The following RFTN2 variants were observed in gnomAD, a reference collection of about 807,000 sequenced individuals.
RFTN2 encodes the protein raftlin-2.
Under a neutral mutation model 52.7 loss-of-function variants are expected in RFTN2, and 34 were observed. The ratio of observed to expected loss-of-function variants is 0.64; its 90% confidence interval spans 0.49 to 0.86. The LOEUF is 0.86. Among genes scored for constraint, RFTN2 ranks in the 40% least tolerant of loss-of-function variants. The probability of loss-of-function intolerance (pLI) is 0.00; values close to 1 mark genes in which losing one functional copy is unlikely to be tolerated. For synonymous variants in RFTN2, 203 were observed against 217.7 expected (o/e 0.93, Z 0.59); for missense variants, 536 against 600.1 (o/e 0.89, Z 1.12).
In RFTN2 at chr2:197,629,128, A is replaced by G. The variant is rs969200998; in HGVS notation, c.928+1883T>C. Among the ~76,000 whole-genome samples, 6 of 152,252 alleles carry G rather than the reference A, an allele frequency of 3.9e-5. No homozygotes were observed. In the East Asian group the frequency reaches 9.6e-4, roughly 24 times the overall value. On this transcript the variant is annotated intron_variant, in intron 5 of 8. Coordinates refer to ENST00000295049, the MANE Select transcript of RFTN2 (RefSeq NM_144629.3). ...CCAAAGGATTATAAATCATGCTGCT[A>G]TAAAGACACACGTACACGTATGTTT...
At chr2:197,629,333 A>G (rs2106229426) in intron 5 of RFTN2, among the ~76,000 whole-genome samples, 1 of 152,250 alleles carries the variant, frequency 6.6e-6, no homozygotes, top group South Asian at 2.1e-4. Flanking sequence ...TTCTGAGCAA[A>G]CTATCGCAAG....
chr2:197,658,954 A>G (rs1053317042), intron 1 of RFTN2, among the ~76,000 whole-genome samples: 23 of 152,200 alleles, frequency 1.5e-4, no homozygotes, highest in African/African-American at 4.3e-4. Context: ...ATTTATTCTT[A>G]TAGTTTCTAA....
At chr2:197,579,645 C>T (rs926966163) in intron 8 of RFTN2, among the ~76,000 whole-genome samples, 2 of 152,110 alleles carry the variant, frequency 1.3e-5, no homozygotes, top group Admixed American at 6.6e-5. Context: ...CCCAATGTGA[C>T]TTGTCCCAAA....
chr2:197,616,884 G>A (rs539936882), intron 6 of RFTN2, among the ~76,000 whole-genome samples: 1 of 152,228 alleles, frequency 6.6e-6, no homozygotes, highest in South Asian at 2.1e-4. Context: ...CCTGTGTAAG[G>A]TCAGAAAGGT....
At chr2:197,619,695 C>T (rs2088224855) in intron 5 of RFTN2, among the ~76,000 whole-genome samples, 1 of 147,844 alleles carries the variant, frequency 6.8e-6, no homozygotes, top group African/African-American at 2.5e-5. Context: ...TGTCCTGTGA[C>T]CCTGCCAAAT....
At chr2:197,602,047 T>C (rs1202611008) in intron 7 of RFTN2, among the ~76,000 whole-genome samples, 1 of 152,170 alleles carries the variant, frequency 6.6e-6, no homozygotes, top group Non-Finnish European at 1.5e-5. Context: ...CTATTTATAG[T>C]TTGACACTAT....
chr2:197,601,389 G>A (rs141443498), intron 7 of RFTN2, among the ~76,000 whole-genome samples: 178 of 152,294 alleles, frequency 1.2e-3, no homozygotes, highest in Admixed American at 2.7e-3. Flanking sequence ...TGCTCTCAGC[G>A]TTCCAAGTCC....
At chr2:197,671,595 G>A (rs191150275) in intron 1 of RFTN2, among the ~76,000 whole-genome samples, 86 of 152,302 alleles carry the variant, frequency 5.6e-4, no homozygotes, top group African/African-American at 1.9e-3. Context: ...CAAAATATCC[G>A]AGGGCAGAAA....
Position 197,631,198 on chromosome 2 carries a change from TG to T in RFTN2, c.740del (p.Thr247LysfsTer22), listed in dbSNP as rs767569606. 2 of 1,610,704 alleles carry T rather than the reference TG, an allele frequency of 1.2e-6. No homozygotes were observed. Among genetic ancestry groups the T allele is most frequent in the Non-Finnish European group, 1.7e-6 (2 of 1,179,058 alleles). On this transcript the variant is annotated frameshift_variant, in exon 5 of 9. Transcript: ENST00000295049. LOFTEE classifies it high-confidence loss of function. Reference sequence around the variant, plus strand: ...AATCATCATCAAAAGCATTGAAGACTGTATACAATTTGTTATCTGAGGCTAG... The same window carrying T: ...AATCATCATCAAAAGCATTGAAGACTTATACAATTTGTTATCTGAGGCTAG... ...KGEASDNKLY[T>X]VFNAFDDDST...
At chr2:197,592,629 A>G (rs986286073) in intron 8 of RFTN2, among the ~76,000 whole-genome samples, 2 of 152,216 alleles carry the variant, frequency 1.3e-5, no homozygotes, top group Non-Finnish European at 2.9e-5. Context: ...TGTTTTTAAA[A>G]CTAAACATCT....
At chr2:197,666,194 C>T (rs1355186823) in intron 1 of RFTN2, among the ~76,000 whole-genome samples, 3 of 152,078 alleles carry the variant, frequency 2.0e-5, no homozygotes, top group African/African-American at 7.2e-5. Flanking sequence ...AAGCGTTTCT[C>T]TTGCCTCAGC....
At chr2:197,647,058 A>G (rs2088763602) in intron 1 of RFTN2, among the ~76,000 whole-genome samples, 3 of 152,158 alleles carry the variant, frequency 2.0e-5, no homozygotes, top group Non-Finnish European at 4.4e-5. Flanking sequence ...CAGAAATACA[A>G]TGTCTTATGA....
At chr2:197,610,512 G>T (rs761596472) in intron 7 of RFTN2, among the ~76,000 whole-genome samples, 2 of 152,114 alleles carry the variant, frequency 1.3e-5, no homozygotes, top group Non-Finnish European at 2.9e-5. Flanking sequence ...GAGATTTTGG[G>T]CTGAGACAAT....
At chr2:197,670,941 T>C (rs114805624) in intron 1 of RFTN2, among the ~76,000 whole-genome samples, 4 of 152,296 alleles carry the variant, frequency 2.6e-5, no homozygotes, top group Non-Finnish European at 4.4e-5. Flanking sequence ...AGTCACAGGC[T>C]AAGTTCCTCC....
chr2:197,601,114 C>T (rs1033343542), intron 7 of RFTN2, among the ~76,000 whole-genome samples: 3 of 152,316 alleles, frequency 2.0e-5, no homozygotes, highest in Admixed American at 6.5e-5. Context: ...AGTGGTTGAA[C>T]ATTGTCAATG....
intron 3 of RFTN2, among the ~76,000 whole-genome samples, chr2:197,639,423 G>A (rs1202175785): frequency 1.3e-5 from 2 of 151,496 alleles, no homozygotes; most frequent in African/African-American, 4.9e-5. Flanking sequence ...ATATTTCTTG[G>A]AGGCTTTGCT....
chr2:197,626,077 C>G (rs919911639), intron 5 of RFTN2, among the ~76,000 whole-genome samples: 3 of 152,102 alleles, frequency 2.0e-5, no homozygotes, highest in Admixed American at 6.5e-5. Flanking sequence ...GCGTGAGCCA[C>G]CGCACCTTGC....
chr2:197,581,418 C>T (rs961853239), intron 8 of RFTN2, among the ~76,000 whole-genome samples: 10 of 152,200 alleles, frequency 6.6e-5, no homozygotes, highest in Non-Finnish European at 1.5e-5. Flanking sequence ...TTTATCTGGA[C>T]TGACCCTGAC....
intron 8 of RFTN2, among the ~76,000 whole-genome samples, chr2:197,588,914 T>C (rs1286381523): frequency 6.6e-6 from 1 of 152,062 alleles, no homozygotes; most frequent in East Asian, 1.9e-4. Context: ...TGAATAAATC[T>C]CATGAGATCT....
Sources: gnomAD v4.1 joint callset for allele counts (sites outside exome capture counted in the v4.1 genomes callset) on GRCh38, gnomAD v4.1.1 for gene constraint, MANE v1.5 for transcripts, NCBI Gene and HGNC (gene_info 2026-07-23, HGNC 2026-07-21) for gene names.